Variants in FANCM observed in about 807,000 individuals in gnomAD.
The protein encoded by FANCM is Fanconi anemia group M protein.
Under a neutral mutation model 199.5 loss-of-function variants are expected in FANCM, and 140 were observed. The ratio of observed to expected loss-of-function variants is 0.70; its 90% CI spans 0.61 to 0.81. The LOEUF (loss-of-function observed/expected upper bound fraction) is 0.81, where lower values mean the gene tolerates loss of function less well. FANCM is among the 30% of genes least tolerant of loss of function. The pLI, the probability that FANCM is intolerant of heterozygous loss-of-function variation, is 0.00. For missense variants in FANCM, 2,410 were observed against 2,421.4 expected (o/e 1.00, Z 0.10); for synonymous variants, 840 against 836.8 (o/e 1.00, Z -0.07).
chr14:45,175,201 C>T lies in FANCM; in HGVS notation c.2447C>T (p.Ser816Leu). Residue 816 changes from serine to leucine, a missense_variant, in exon 14 of 23, where the codon TCA becomes TTA. Transcript: ENST00000267430. ...ACCTTTATCACTCACAAGAAATCGTCATTTATAAAGAACATAAATCAAGGC... is the reference window on the plus strand; with the variant it reads ...ACCTTTATCACTCACAAGAAATCGTTATTTATAAAGAACATAAATCAAGGC... Reference protein sequence around the residue: ...SDTFITHKKSSFIKNINQGSS... With the variant: ...SDTFITHKKSLFIKNINQGSS... 1.2e-6 allele frequency: 2 copies of T among 1,611,354 alleles called. No individual in the cohort carries two copies. The highest frequency in any genetic ancestry group is 1.7e-6 in the Non-Finnish European group (2 of 1,178,104).
chr14:45,184,629 C>T (rs1314495884), intron 17 of FANCM, among the ~76,000 whole-genome samples: 1 of 149,418 alleles, frequency 6.7e-6, no homozygotes, highest in Non-Finnish European at 1.5e-5. Context: ...CCACTGCACT[C>T]CCGCCTGGGC....
chr14:45,190,801 G>C (rs1459511035), intron 20 of FANCM, among the ~76,000 whole-genome samples: 2 of 151,274 alleles, frequency 1.3e-5, no homozygotes, highest in African/African-American at 2.4e-5. Flanking sequence ...CTTTATAATA[G>C]ACTGGAGAAC....
chr14:45,159,317 A>G (rs1887419187), intron 9 of FANCM, 37 bp downstream of exon 9: 3 of 1,476,942 alleles, frequency 2.0e-6, no homozygotes, highest in African/African-American at 2.8e-5. Context: ...TAAAAATAAG[A>G]TTGATTAGCT....
At chr14:45,162,153 A>G (rs1279074754) in intron 9 of FANCM, among the ~76,000 whole-genome samples, 1 of 152,186 alleles carries the variant, frequency 6.6e-6, no homozygotes, top group Non-Finnish European at 1.5e-5. Flanking sequence ...TGGGAGGCCA[A>G]GGCAGGTGTA....
intron 5 of FANCM, among the ~76,000 whole-genome samples, chr14:45,152,315 T>C (rs10142759): frequency 0.22 from 33,553 of 152,020 alleles, 5,334 homozygotes; most frequent in African/African-American, 0.45. Context: ...AGATTACAGA[T>C]GTGAGCCACA....
chr14:45,194,037 C>G (rs1391742148), intron 20 of FANCM, among the ~76,000 whole-genome samples: 1 of 152,136 alleles, frequency 6.6e-6, no homozygotes, highest in Non-Finnish European at 1.5e-5. Context: ...CATGGTAGCT[C>G]ATGCCTGTAA....
rs1305493459 is a variant in FANCM, at chr14:45,181,541, T to C, written c.4317+17T>C. ...TCTCCTGAGGTGAGTCATTCAGTAA[T>C]CACAATAGTATAATCATATCAAAGG... On this transcript the variant is annotated intron_variant, in intron 15 of 22. Transcript: ENST00000267430. The C allele has an allele frequency of 6.5e-7, 1 of 1,550,352 alleles. No homozygotes were observed. Among genetic ancestry groups the C allele is most frequent in the Admixed American group, 1.7e-5 (1 of 59,932 alleles).
chr14:45,192,758 G>A (rs1889843452), intron 20 of FANCM, among the ~76,000 whole-genome samples: 1 of 152,158 alleles, frequency 6.6e-6, no homozygotes, highest in Admixed American at 6.5e-5. Flanking sequence ...GACCCTGGGA[G>A]GTTGAGGTTG....
chr14:45,170,444 TG>T, intron 11 of FANCM, 144 bp from the exon 12 acceptor site: 1 of 585,186 alleles, frequency 1.7e-6, no homozygotes, highest in East Asian at 3.1e-5. Flanking sequence ...GAGGATTGCT[TG>T]AACCCAGGAG....
Position 45,145,230 on chromosome 14 carries a change from C to CT in FANCM, c.760-3601dup, listed in dbSNP as rs565274115. On this transcript the variant is annotated intron_variant, in intron 3 of 22. Coordinates refer to ENST00000267430, the MANE Select transcript of FANCM (RefSeq NM_020937.4). ...GACAAAGTCCTCTTTACTCTTCCCT[C>CT]TTTTTTCCTCAAGCAGAAGGAAGGA... 5.7e-3 allele frequency among the ~76,000 whole-genome samples: 861 copies of CT among 151,614 alleles called. 5 individuals carry two copies. The highest frequency in any genetic ancestry group is 0.02 in the African/African-American group (821 of 41,354).
At position 45,196,595 on chromosome 14, in the gene FANCM, A is replaced by G. The variant is rs1890075448; in HGVS notation, c.5716+48A>G. On this transcript the variant is annotated intron_variant, in intron 21 of 22. Transcript: ENST00000267430. The stretch of plus-strand genomic sequence containing the variant: ...GTTTATAAGACTGTAAAGGAACTTT[A>G]CGGTTAACTTAGTTTATTCTTCTAT... The G allele has an allele frequency of 3.8e-6, 6 of 1,567,362 alleles. No homozygotes were observed. The East Asian group carries it at 1.3e-4, about 35-fold the overall frequency.
At chr14:45,142,350 G>A (rs1194817099) in intron 3 of FANCM, among the ~76,000 whole-genome samples, 2 of 147,954 alleles carry the variant, frequency 1.4e-5, no homozygotes, top group African/African-American at 2.5e-5. Context: ...ACTGTTGCCC[G>A]GGCTGGAGTG....
At chr14:45,186,691 A>G (rs1162970328) in intron 18 of FANCM, among the ~76,000 whole-genome samples, 1 of 152,232 alleles carries the variant, frequency 6.6e-6, no homozygotes, top group Non-Finnish European at 1.5e-5. Context: ...GGTTTACAAT[A>G]TAATCCAGTG....
At chr14:45,163,561 A>G (rs1449712184) in intron 9 of FANCM, among the ~76,000 whole-genome samples, 1 of 152,244 alleles carries the variant, frequency 6.6e-6, no homozygotes, top group Admixed American at 6.5e-5. Context: ...TTGTGGTTTC[A>G]TTAAACTGAT....
At chr14:45,141,307 A>G (rs1329748483) in intron 3 of FANCM, among the ~76,000 whole-genome samples, 2 of 151,164 alleles carry the variant, frequency 1.3e-5, no homozygotes, top group Non-Finnish European at 3.0e-5. Flanking sequence ...AAAAAAAAAA[A>G]AGAAAGCAAA....
At chr14:45,190,823 T>G (rs1889721786) in intron 20 of FANCM, among the ~76,000 whole-genome samples, 1 of 152,136 alleles carries the variant, frequency 6.6e-6, no homozygotes, top group African/African-American at 2.4e-5. Context: ...AGAAAGTACT[T>G]CATTTCTTTG....
intron 13 of FANCM, among the ~76,000 whole-genome samples, chr14:45,173,981 C>T (rs892088236): frequency 1.3e-5 from 2 of 152,150 alleles, no homozygotes; most frequent in Non-Finnish European, 2.9e-5. Context: ...CTATTCCCTG[C>T]TTTATGGCTA....
intron 20 of FANCM, 69 bp from the exon 21 acceptor site, chr14:45,196,103 G>A (rs1417760155): frequency 1.7e-5 from 26 of 1,502,584 alleles, no homozygotes; most frequent in Admixed American, 3.3e-5. Flanking sequence ...AATCAACTTC[G>A]GGTGTGAGAC....
intron 2 of FANCM, 36 bp downstream of exon 2, chr14:45,137,277 C>T (rs1377299395): frequency 1.9e-6 from 3 of 1,572,532 alleles, no homozygotes; most frequent in East Asian, 4.5e-5. Flanking sequence ...TGTATTGTAA[C>T]TGTACTGTTA....
Sources: gnomAD v4.1 joint callset for allele counts (sites outside exome capture counted in the v4.1 genomes callset) on GRCh38, gnomAD v4.1.1 for gene constraint, MANE v1.5 for transcripts, NCBI Gene and HGNC (gene_info 2026-07-23, HGNC 2026-07-21) for gene names.